Variants in SLC16A12 observed in about 807,000 individuals in gnomAD.
SLC16A12 encodes monocarboxylate transporter 12.
In SLC16A12, 17 loss-of-function variants were observed where a neutral mutation model predicts 42.4. That is an observed-to-expected ratio of 0.40 (90% CI 0.27 to 0.60). The LOEUF (loss-of-function observed/expected upper bound fraction) is 0.60, where lower values mean the gene tolerates loss of function less well. Among genes scored for constraint, SLC16A12 ranks in the 20% least tolerant of loss-of-function variants. The probability of loss-of-function intolerance (pLI) is 0.42; values close to 1 mark genes in which losing one functional copy is unlikely to be tolerated. For synonymous variants in SLC16A12, 224 were observed against 229.4 expected, an observed-to-expected ratio of 0.98 and a Z score of 0.21; for missense variants, 544 against 623.0, an observed-to-expected ratio of 0.87 and a Z score of 1.35.
At chr10:89,487,029 T>C (rs1842767248) in intron 2 of SLC16A12, among the ~76,000 whole-genome samples, 1 of 152,178 alleles carries the variant, frequency 6.6e-6, no homozygotes, top group South Asian at 2.1e-4. Flanking sequence ...CCCTTTCACT[T>C]CCAATAGGCA....
At chr10:89,487,321 T>C (rs1429898249) in intron 2 of SLC16A12, among the ~76,000 whole-genome samples, 1 of 152,122 alleles carries the variant, frequency 6.6e-6, no homozygotes, top group Non-Finnish European at 1.5e-5. Context: ...GAATGGCTAT[T>C]ACTAAAAAGT....
intron 2 of SLC16A12, among the ~76,000 whole-genome samples, chr10:89,508,075 A>T (rs1237372348): frequency 6.6e-6 from 1 of 152,190 alleles, no homozygotes; most frequent in Non-Finnish European, 1.5e-5. Context: ...AGATTCATAA[A>T]GCAAGTATTT....
intron 2 of SLC16A12, among the ~76,000 whole-genome samples, chr10:89,520,020 A>G (rs754954108): frequency 1.3e-5 from 2 of 151,482 alleles, no homozygotes; most frequent in East Asian, 1.9e-4. Flanking sequence ...GGCTGAGGCA[A>G]GAGAATTGCT....
intron 2 of SLC16A12, among the ~76,000 whole-genome samples, chr10:89,521,057 T>C (rs1843344208): frequency 6.6e-6 from 1 of 152,226 alleles, no homozygotes; most frequent in South Asian, 2.1e-4. Flanking sequence ...CCTGCAATGG[T>C]CTTGTAAGAG....
intron 3 of SLC16A12, among the ~76,000 whole-genome samples, chr10:89,448,478 C>A (rs1357054489): frequency 6.6e-6 from 1 of 152,018 alleles, no homozygotes; most frequent in Non-Finnish European, 1.5e-5. Context: ...ATATAATCCA[C>A]CATATAAACA....
chr10:89,501,932 T>C (rs1167212563), intron 2 of SLC16A12, among the ~76,000 whole-genome samples: 1 of 152,196 alleles, frequency 6.6e-6, no homozygotes, highest in Non-Finnish European at 1.5e-5. Flanking sequence ...ACCTAGAACA[T>C]GCCTAACATA....
chr10:89,507,547 C>T (rs1335188490), intron 2 of SLC16A12, among the ~76,000 whole-genome samples: 1 of 152,172 alleles, frequency 6.6e-6, no homozygotes, highest in Non-Finnish European at 1.5e-5. Context: ...CATCACCAGG[C>T]CTGCCATAAT....
chr10:89,488,179 A>G (rs1190221407), intron 2 of SLC16A12, among the ~76,000 whole-genome samples: 1 of 151,954 alleles, frequency 6.6e-6, no homozygotes, highest in South Asian at 2.1e-4. Flanking sequence ...AAACCTTACC[A>G]TTACTCAATA....
intron 2 of SLC16A12, among the ~76,000 whole-genome samples, chr10:89,532,943 G>T (rs1165589666): frequency 2.0e-5 from 3 of 152,106 alleles, no homozygotes; most frequent in African/African-American, 7.2e-5. Flanking sequence ...TACTAACATG[G>T]TACCACTAAC....
intron 2 of SLC16A12, among the ~76,000 whole-genome samples, chr10:89,527,715 G>T: frequency 6.6e-6 from 1 of 151,324 alleles, no homozygotes. Flanking sequence ...GCTGAAGCAG[G>T]ACTGCCTGAG....
At chr10:89,482,327 T>C (rs995259156) in intron 2 of SLC16A12, among the ~76,000 whole-genome samples, 1 of 152,052 alleles carries the variant, frequency 6.6e-6, no homozygotes, top group Admixed American at 6.6e-5. Flanking sequence ...CTTAGAAGCA[T>C]TCCAAAGGCC....
intron 7 of SLC16A12, among the ~76,000 whole-genome samples, chr10:89,435,792 C>T (rs141589049): frequency 2.0e-5 from 3 of 152,146 alleles, no homozygotes; most frequent in Admixed American, 1.3e-4. Context: ...TCCCCCTGCT[C>T]CCATCATTAA....
intron 5 of SLC16A12, among the ~76,000 whole-genome samples, chr10:89,440,111 T>C (rs1056989255): frequency 7.0e-6 from 1 of 142,614 alleles, no homozygotes; most frequent in African/African-American, 2.5e-5. Context: ...GATCAATTTC[T>C]ATTACTTTTT....
At chr10:89,483,035 A>G (rs192728871) in intron 2 of SLC16A12, among the ~76,000 whole-genome samples, 1 of 152,326 alleles carries the variant, frequency 6.6e-6, no homozygotes, top group East Asian at 1.9e-4. Flanking sequence ...TGGAAGCTAG[A>G]AGTCCACGAT....
chr10:89,554,010 A>G lies in SLC16A12; in HGVS notation c.-47+1872T>C, dbSNP rs7478546. Reference sequence around the variant, plus strand: ...ACTCCATCTCAAAAAGAAAGAAAGAAAGAGAGAAAGAAAGAGAGAAAGGAA... The same window carrying G: ...ACTCCATCTCAAAAAGAAAGAAAGAGAGAGAGAAAGAAAGAGAGAAAGGAA... On this transcript the variant is annotated intron_variant, in intron 2 of 2. Transcript: ENST00000475682. Among the ~76,000 whole-genome samples the G allele has an allele frequency of 3.3e-3, 493 of 148,574 alleles. 2 individuals carry two copies. The highest frequency in any genetic ancestry group is 0.018 in the South Asian group (84 of 4,720).
intron 2 of SLC16A12, among the ~76,000 whole-genome samples, chr10:89,524,284 C>T (rs758572929): frequency 7.2e-5 from 11 of 152,090 alleles, no homozygotes; most frequent in Non-Finnish European, 1.6e-4. Context: ...TCACCAAATC[C>T]CCACTCCCAC....
intron 3 of SLC16A12, among the ~76,000 whole-genome samples, chr10:89,462,065 TATG>T (rs1418545941): frequency 6.6e-6 from 1 of 152,288 alleles, no homozygotes; most frequent in East Asian, 1.9e-4. Flanking sequence ...AAATATCAGA[TATG>T]ATAGAAAAGA....
chr10:89,541,898 T>C (rs1181464241), intron 2 of SLC16A12, among the ~76,000 whole-genome samples: 6 of 152,352 alleles, frequency 3.9e-5, no homozygotes, highest in Admixed American at 2.0e-4. Flanking sequence ...TTATTTTGTG[T>C]CTCCAAATTA....
intron 3 of SLC16A12, among the ~76,000 whole-genome samples, chr10:89,459,831 T>A (rs215492): frequency 1.3e-5 from 2 of 151,856 alleles, no homozygotes; most frequent in African/African-American, 4.8e-5. Context: ...ATCCCATCTA[T>A]TCAGGAGGCT....
Sources: allele counts gnomAD v4.1 joint callset (sites outside exome capture counted in the v4.1 genomes callset), GRCh38; gene constraint gnomAD v4.1.1; transcripts MANE v1.5; gene names NCBI Gene and HGNC (gene_info 2026-07-23, HGNC 2026-07-21).